Variants in SLC17A9 observed in about 807,000 individuals in gnomAD.
The protein encoded by SLC17A9 is voltage-gated purine nucleotide uniporter SLC17A9.
SLC17A9 carries 49 observed loss-of-function variants against 55.0 expected under a neutral mutation model. The ratio of observed to expected loss-of-function variants is 0.89; its 90% CI spans 0.71 to 1.13. The LOEUF (loss-of-function observed/expected upper bound fraction) is 1.13. SLC17A9 is among the 50% of genes most tolerant of loss of function. The pLI, the probability that SLC17A9 is intolerant of heterozygous loss-of-function variation, is 0.00. For synonymous variants in SLC17A9, 256 were observed against 247.4 expected (o/e 1.03, Z -0.32); for missense variants, 526 against 569.3 (o/e 0.92, Z 0.77).
chr20:62,954,809 C>T (rs1031242177), intron 1 of SLC17A9, among the ~76,000 whole-genome samples: 1 of 152,250 alleles, frequency 6.6e-6, no homozygotes, highest in African/African-American at 2.4e-5. Context: ...TCTTGACTTC[C>T]TCCTTCCAAG....
In SLC17A9 at chr20:62,965,733, C is replaced by A; in HGVS notation, c.1061+8C>A. On this transcript the variant is annotated splice_region_variant and intron_variant, in intron 10 of 12. Transcript: ENST00000370351. ...CCAGACCTTCAACCACAGGTGAGGGCCGACTGCTCCATCCACCAGAGCGCC... is the reference window on the plus strand; with the variant it reads ...CCAGACCTTCAACCACAGGTGAGGGACGACTGCTCCATCCACCAGAGCGCC... The A allele has an allele frequency of 6.2e-7, 1 of 1,612,570 alleles. No homozygotes were observed.
rs574169221 is a variant in SLC17A9, at chr20:62,968,337, A to G, written c.*837A>G. 4 of 152,400 alleles carry G rather than the reference A, an allele frequency of 2.6e-5. No homozygotes were observed. The highest frequency in any genetic ancestry group is 4.8e-5 in the African/African-American group (2 of 41,578). 9.4% of individuals were successfully genotyped at this position (152,400 alleles called of 1,614,324 possible). A position where few individuals can be genotyped will look rare whatever the true frequency, so the allele number is the denominator to read the frequency against. ...CCATGGCGCAGGCTCTCGAACCCGC[A>G]TGGCTTTCCCAGGCCTGGTGATTCT... On this transcript the variant is annotated 3_prime_UTR_variant, in exon 13 of 13. Transcript: ENST00000370351.
At chr20:62,963,446 G>T (rs2065606643) in intron 6 of SLC17A9, 77 bp downstream of exon 6, 3 of 1,533,204 alleles carry the variant, frequency 2.0e-6, no homozygotes, top group Non-Finnish European at 2.7e-6. Flanking sequence ...GGCCGGACCT[G>T]ACAGCCCTTG....
intron 9 of SLC17A9, 99 bp downstream of exon 9, chr20:62,965,265 G>A (rs2147660185): frequency 6.6e-7 from 1 of 1,521,340 alleles, no homozygotes; most frequent in African/African-American, 1.4e-5. Flanking sequence ...TGATATCTGG[G>A]ACCAGGCAAA....
At chr20:62,955,054 G>A (rs1222493090) in intron 1 of SLC17A9, among the ~76,000 whole-genome samples, 1 of 152,002 alleles carries the variant, frequency 6.6e-6, no homozygotes, top group East Asian at 1.9e-4. Context: ...TCGACCTCCT[G>A]GGCTCAAGCG....
chr20:62,959,647 G>A (rs2065572167), intron 3 of SLC17A9, among the ~76,000 whole-genome samples: 1 of 152,246 alleles, frequency 6.6e-6, no homozygotes, highest in Admixed American at 6.5e-5. Flanking sequence ...TCGAGGGAGC[G>A]AGGGAACGGG....
chr20:62,959,047 G>C (rs1313888574), intron 3 of SLC17A9, among the ~76,000 whole-genome samples: 1 of 152,228 alleles, frequency 6.6e-6, no homozygotes, highest in African/African-American at 2.4e-5. Flanking sequence ...TGAACGAATC[G>C]GCAACCACCT....
rs567719788 is a variant in SLC17A9, at chr20:62,968,543, G to A, written c.*1043G>A. 10 of 152,346 alleles carry A rather than the reference G, an allele frequency of 6.6e-5. No homozygotes were observed. Among genetic ancestry groups the A allele is most frequent in the Non-Finnish European group, 1.3e-4 (9 of 68,036 alleles). 9.4% of individuals were successfully genotyped at this position (152,346 alleles called of 1,614,324 possible). ...ATAGAGAAAAAAACCTAAAAATGTGGAAAAGCACGCCAAAGCCTTATTTAA... is the reference window on the plus strand; with the variant it reads ...ATAGAGAAAAAAACCTAAAAATGTGAAAAAGCACGCCAAAGCCTTATTTAA... On this transcript the variant is annotated 3_prime_UTR_variant, in exon 13 of 13. Transcript: ENST00000370351.
intron 7 of SLC17A9, chr20:62,963,887 G>A: frequency 1.7e-6 from 1 of 603,300 alleles, no homozygotes; most frequent in South Asian, 2.0e-5. Flanking sequence ...TGGAAATGAT[G>A]CGGGCGCTCG....
At position 62,968,656 on chromosome 20, in the gene SLC17A9, C is replaced by G. The variant is rs934483027; in HGVS notation, c.*1156C>G. The G allele has an allele frequency of 1.7e-5, 2 of 114,508 alleles. No homozygotes were observed. Among genetic ancestry groups the G allele is most frequent in the African/African-American group, 5.5e-5 (2 of 36,040 alleles). The allele number at this position is 114,508 out of a possible 1,614,324, so 7.1% of individuals were successfully genotyped here. ...AGAATGAACACGTGTTAAAGACTTT[C>G]TGTAACTAATTTCATGAGGAAACGA... On this transcript the variant is annotated 3_prime_UTR_variant, in exon 13 of 13. Coordinates refer to ENST00000370351, the MANE Select transcript of SLC17A9 (RefSeq NM_022082.4).
rs75875631 is a variant in SLC17A9 at position 62,956,710 on chromosome 20, C to G, written c.60-55C>G. 4 of 1,522,880 alleles carry G rather than the reference C, an allele frequency of 2.6e-6. No homozygotes were observed. The African/African-American group carries it at 5.5e-5, about 21-fold the overall frequency. The allele number at this position is 1,522,880 out of a possible 1,614,324, so 94.3% of individuals were successfully genotyped here. A position where few individuals can be genotyped will look rare whatever the true frequency, so the allele number is the denominator to read the frequency against. ...GAGGGAGGTCTCTGAGTGATGAACTCGAAGCAGCAGGGCCGTGGGGCCTCC... is the reference window on the plus strand; with the variant it reads ...GAGGGAGGTCTCTGAGTGATGAACTGGAAGCAGCAGGGCCGTGGGGCCTCC... On this transcript the variant is annotated intron_variant, in intron 1 of 12. Transcript: ENST00000370351.
At chr20:62,959,858 G>A (rs559443242) in intron 3 of SLC17A9, among the ~76,000 whole-genome samples, 1 of 152,228 alleles carries the variant, frequency 6.6e-6, no homozygotes, top group African/African-American at 2.4e-5. Context: ...GCCTCCCCTC[G>A]CAGAGTCCCT....
rs375605744 is a variant in SLC17A9 at position 62,962,631 on chromosome 20, C to G, written c.505C>G (p.Leu169Val). Reference sequence around the variant, plus strand: ...CTCCCCCTGTCTTTGCAGGACGCTGCTGACCGGGGCGGTGGGCTCCCTGCT... The same window carrying G: ...CTCCCCCTGTCTTTGCAGGACGCTGGTGACCGGGGCGGTGGGCTCCCTGCT... ...VGAGSQFGTL[L>V]TGAVGSLLLE... Residue 169 changes from leucine to valine, a missense_variant, in exon 5 of 13, where the codon CTG becomes GTG. Physicochemically the swap from Leu to Val is conservative, Grantham distance 32. Transcript: ENST00000370351. The surrounding 1 kb of genome is among the most constrained non-coding windows in gnomAD (Gnocchi z 5.5). The G allele has an allele frequency of 1.9e-5, 31 of 1,613,758 alleles. No homozygotes were observed. The highest frequency in any genetic ancestry group is 1.6e-4 in the Middle Eastern group (1 of 6,082).
At chr20:62,965,585 C>A in intron 9 of SLC17A9, 25 bp from the exon 10 acceptor site, 5 of 1,604,984 alleles carry the variant, frequency 3.1e-6, no homozygotes, top group Non-Finnish European at 3.4e-6. Context: ...GGGTGCCTCT[C>A]CGTCACGGTG....
At chr20:62,956,712 A>G in intron 1 of SLC17A9, 53 bp from the exon 2 acceptor site, 1 of 1,538,028 alleles carries the variant, frequency 6.5e-7, no homozygotes, top group Non-Finnish European at 8.8e-7. Flanking sequence ...GATGAACTCG[A>G]AGCAGCAGGG....
chr20:62,967,176 A>G (rs2065648336), intron 12 of SLC17A9, 161 bp from the exon 13 acceptor site: 4 of 828,454 alleles, frequency 4.8e-6, no homozygotes, highest in Non-Finnish European at 7.7e-6. Flanking sequence ...TCTGAGCCTG[A>G]CCCACAGCTG....
rs2065665769 is a variant in SLC17A9, at chr20:62,969,545, T to G, written c.*2045T>G. On this transcript the variant is annotated 3_prime_UTR_variant, in exon 13 of 13. Transcript: ENST00000370351. ...TCAGTTTTGTCACAAGTGTCAGCAT[T>G]TTTCTCATTTTTAAGGCTGAATAAA... is the stretch of plus-strand genomic sequence containing the variant. The G allele has an allele frequency of 6.6e-6, 1 of 152,220 alleles. No individual in the cohort carries two copies. The highest frequency in any genetic ancestry group is 1.5e-5 in the Non-Finnish European group (1 of 68,044). 9.4% of individuals were successfully genotyped at this position (152,220 alleles called of 1,614,324 possible). A position where few individuals can be genotyped will look rare whatever the true frequency, so the allele number is the denominator to read the frequency against.
chr20:62,957,897 G>A (rs537803911), intron 3 of SLC17A9, among the ~76,000 whole-genome samples: 14 of 152,078 alleles, frequency 9.2e-5, no homozygotes, highest in African/African-American at 2.7e-4. Flanking sequence ...GCGTGCATGC[G>A]TGCACCTGTG....
At position 62,952,848 on chromosome 20, in the gene SLC17A9, C is replaced by T. The variant is rs777195068; in HGVS notation, c.18C>T (p.Asp6=). The T allele has an allele frequency of 2.7e-5, 38 of 1,433,820 alleles. No homozygotes were observed. The highest frequency in any genetic ancestry group is 2.2e-4 in the Admixed American group (10 of 45,000). The allele number at this position is 1,433,820 out of a possible 1,614,324, so 88.8% of individuals were successfully genotyped here. The change falls in exon 1 of 13, where the codon GAC becomes GAT. Residue 6 remains aspartate (D), a synonymous_variant. Coordinates refer to ENST00000370351, the MANE Select transcript of SLC17A9 (RefSeq NM_022082.4). The part of the protein sequence containing the change: MQPPP[D]EARRDMAGDT... ...CAAGCCCGATGCAGCCACCCCCAGACGAGGCCCGCAGGGACATGGCCGGGG... is the reference window on the plus strand; with the variant it reads ...CAAGCCCGATGCAGCCACCCCCAGATGAGGCCCGCAGGGACATGGCCGGGG...
Sources: allele counts gnomAD v4.1 joint callset (sites outside exome capture counted in the v4.1 genomes callset), GRCh38; gene constraint gnomAD v4.1.1; non-coding constraint Gnocchi (gnomAD v3.1); transcripts MANE v1.5; gene names NCBI Gene and HGNC (gene_info 2026-07-23, HGNC 2026-07-21).